Variants in REC114 observed in about 807,000 individuals in gnomAD.
REC114 encodes REC114 meiotic recombination protein, also known as meiotic recombination protein REC114.
A neutral mutation model predicts 31.3 loss-of-function variants in REC114; 27 were observed. The ratio of observed to expected loss-of-function variants is 0.86; its 90% confidence interval spans 0.64 to 1.19. REC114 has a LOEUF of 1.19. REC114 is among the 50% of genes most tolerant of loss of function. The pLI is 0.00. For synonymous variants in REC114, 134 were observed against 127.7 expected (o/e 1.05, Z -0.33); for missense variants, 344 against 326.9 (o/e 1.05, Z -0.40).
chr15:73,494,193 A>C (rs935360462), intron 2 of REC114, among the ~76,000 whole-genome samples: 1 of 152,140 alleles, frequency 6.6e-6, no homozygotes, highest in Non-Finnish European at 1.5e-5. Flanking sequence ...GTTCTCTACT[A>C]TTTTATATTT....
chr15:73,556,536 T>C, intron 5 of REC114, 145 bp downstream of exon 5: 3 of 673,700 alleles, frequency 4.5e-6, no homozygotes, highest in Admixed American at 6.2e-5. Flanking sequence ...GACGGGCCAT[T>C]TTCATCTACC....
chr15:73,557,156 G>A (rs2141339361), intron 5 of REC114, among the ~76,000 whole-genome samples: 1 of 150,640 alleles, frequency 6.6e-6, no homozygotes, highest in African/African-American at 2.4e-5. Flanking sequence ...TGCAACCTCT[G>A]TCTCCTGGGT....
intron 1 of REC114, among the ~76,000 whole-genome samples, chr15:73,462,996 C>T (rs1333382710): frequency 6.6e-6 from 1 of 151,764 alleles, no homozygotes; most frequent in Non-Finnish European, 1.5e-5. Flanking sequence ...GACATGATAT[C>T]ATTTCATCAG....
chr15:73,495,012 A>G (rs976846936), intron 2 of REC114, among the ~76,000 whole-genome samples: 2 of 152,164 alleles, frequency 1.3e-5, no homozygotes, highest in Non-Finnish European at 2.9e-5. Flanking sequence ...TCTCTCTTTC[A>G]TTAGGGACTA....
At chr15:73,556,098 CA>C (rs1894462475) in intron 4 of REC114, among the ~76,000 whole-genome samples, 2 of 152,214 alleles carry the variant, frequency 1.3e-5, no homozygotes, top group South Asian at 4.1e-4. Flanking sequence ...TCAGGAGCCG[CA>C]AATTTAAACT....
chr15:73,537,483 G>A (rs929819583), intron 2 of REC114, among the ~76,000 whole-genome samples: 3 of 147,184 alleles, frequency 2.0e-5, no homozygotes, highest in Non-Finnish European at 3.0e-5. Flanking sequence ...TATTGTAGTG[G>A]GTATCCCCCC....
chr15:73,498,159 G>GT (rs200817288), intron 2 of REC114, among the ~76,000 whole-genome samples: 215 of 146,316 alleles, frequency 1.5e-3, no homozygotes, highest in Admixed American at 2.9e-3. Flanking sequence ...TATTACTCTT[G>GT]TTTTTTTTTT....
chr15:73,525,869 G>T (rs951483787), intron 2 of REC114, among the ~76,000 whole-genome samples: 2 of 152,160 alleles, frequency 1.3e-5, no homozygotes, highest in African/African-American at 4.8e-5. Flanking sequence ...ATTGTGTTAA[G>T]TGTTCCATAT....
rs1158067354 is a variant in REC114 at position 73,550,294 on chromosome 15, A to AT, written c.334-638dup. On this transcript the variant is annotated intron_variant, in intron 3 of 5. Coordinates refer to ENST00000331090, the MANE Select transcript of REC114 (RefSeq NM_001042367.2). ...TTGATGTAGTTGACAGATTTTTAAA[A>AT]TTTTTTAATTGCATCTGTCCCACAT... 2.0e-5 allele frequency among the ~76,000 whole-genome samples: 3 copies of AT among 152,214 alleles called. No individual in the cohort carries two copies. In the East Asian group the frequency reaches 5.8e-4, roughly 29 times the overall value.
At chr15:73,444,513 C>A (rs1195619774) in intron 1 of REC114, among the ~76,000 whole-genome samples, 2 of 152,200 alleles carry the variant, frequency 1.3e-5, no homozygotes, top group Non-Finnish European at 2.9e-5. Flanking sequence ...CAAGTTTTAT[C>A]GTAAAATTAT....
chr15:73,503,027 C>T (rs1362841085), intron 2 of REC114, among the ~76,000 whole-genome samples: 1 of 152,104 alleles, frequency 6.6e-6, no homozygotes, highest in East Asian at 1.9e-4. Flanking sequence ...CAACTGTTTG[C>T]AAGGATGCAG....
intron 2 of REC114, among the ~76,000 whole-genome samples, chr15:73,502,961 C>T (rs1248202397): frequency 6.6e-6 from 1 of 152,092 alleles, no homozygotes; most frequent in Admixed American, 6.6e-5. Context: ...ATTAAAACCC[C>T]AATGAGATAC....
intron 4 of REC114, among the ~76,000 whole-genome samples, chr15:73,551,601 G>GT (rs1480161975): frequency 6.6e-6 from 1 of 152,156 alleles, no homozygotes; most frequent in African/African-American, 2.4e-5. Context: ...ATCATTCGCA[G>GT]TAAGAACAAA....
chr15:73,458,879 A>T (rs1183612801), intron 1 of REC114, among the ~76,000 whole-genome samples: 1 of 152,228 alleles, frequency 6.6e-6, no homozygotes, highest in African/African-American at 2.4e-5. Flanking sequence ...AGCTAAAAAA[A>T]CTAAGGGTTC....
intron 2 of REC114, among the ~76,000 whole-genome samples, chr15:73,514,833 A>G (rs1363868122): frequency 6.6e-6 from 1 of 152,130 alleles, no homozygotes; most frequent in Admixed American, 6.5e-5. Context: ...ACAGGAAGGT[A>G]TATTTATCTG....
At chr15:73,455,898 T>C (rs1183711059) in intron 1 of REC114, among the ~76,000 whole-genome samples, 2 of 152,134 alleles carry the variant, frequency 1.3e-5, no homozygotes, top group Non-Finnish European at 2.9e-5. Flanking sequence ...TCTAACAAGC[T>C]CCCAGGTGAC....
chr15:73,557,979 ATAAATGTTCAT>A (rs1894495705), intron 5 of REC114, among the ~76,000 whole-genome samples: 1 of 152,234 alleles, frequency 6.6e-6, no homozygotes, highest in Non-Finnish European at 1.5e-5. Flanking sequence ...TGGAAACAAC[ATAAATGTTCAT>A]TTAATAGGAT....
intron 3 of REC114, among the ~76,000 whole-genome samples, chr15:73,543,252 A>G (rs140245692): frequency 1.3e-5 from 2 of 152,262 alleles, no homozygotes; most frequent in East Asian, 3.9e-4. Flanking sequence ...ATAATTTTAT[A>G]TATTTGTGTA....
At chr15:73,481,727 C>T (rs183127178) in intron 2 of REC114, among the ~76,000 whole-genome samples, 8 of 140,246 alleles carry the variant, frequency 5.7e-5, no homozygotes, top group East Asian at 4.3e-4. Flanking sequence ...GGAACAGTCT[C>T]GGCTCACCGC....
Sources: gnomAD v4.1 joint callset for allele counts (sites outside exome capture counted in the v4.1 genomes callset) on GRCh38, gnomAD v4.1.1 for gene constraint, MANE v1.5 for transcripts, NCBI Gene and HGNC (gene_info 2026-07-23, HGNC 2026-07-21) for gene names.